Variants in CCDC9 observed in about 807,000 individuals in gnomAD.
The protein encoded by CCDC9 is coiled-coil domain-containing protein 9.
In CCDC9, 52 loss-of-function variants were observed where a neutral mutation model predicts 65.6. The ratio of observed to expected loss-of-function variants is 0.79; its 90% confidence interval spans 0.63 to 1.00. CCDC9 has a LOEUF of 1.00. Ranked by LOEUF, CCDC9 falls within the 50% of genes least tolerant of loss-of-function variation. The pLI is 0.00. For synonymous variants in CCDC9, 332 were observed against 280.3 expected, an observed-to-expected ratio of 1.18 and a Z score of -1.84; for missense variants, 834 against 757.2, an observed-to-expected ratio of 1.10 and a Z score of -1.19.
rs1360143687 is a variant in CCDC9 at position 47,271,391 on chromosome 19, G to A, written c.1309G>A (p.Glu437Lys). 7.4e-6 allele frequency: 12 copies of A among 1,611,958 alleles called. No individual in the cohort carries two copies. Among genetic ancestry groups the A allele is most frequent in the Middle Eastern group, 1.6e-4 (1 of 6,078 alleles). ...ISEDEEEEEI[E>K]VEEGDEEEPA... is the part of the protein sequence containing the mutation. The stretch of plus-strand genomic sequence containing the variant: ...TGAGGATGAGGAAGAGGAGGAGATC[G>A]AGGTGGAAGAAGGTGATGAGGAGGA... The change falls in exon 12 of 12, where the codon GAG (glutamate) becomes AAG (lysine). Residue 437 changes from glutamate to lysine, a missense_variant. By Grantham distance (56) the Glu-to-Lys change is moderately conservative. Coordinates refer to ENST00000221922, the MANE Select transcript of CCDC9 (RefSeq NM_015603.3).
At chr19:47,263,608 C>T (rs978358901) in intron 5 of CCDC9, among the ~76,000 whole-genome samples, 4 of 152,094 alleles carry the variant, frequency 2.6e-5, no homozygotes, top group African/African-American at 9.7e-5. Flanking sequence ...TCTTGTTGCC[C>T]AGGCTGGAGT....
At position 47,271,755 on chromosome 19, in the gene CCDC9, G is replaced by A. The variant is rs1343411777; in HGVS notation, c.*77G>A. Reference sequence around the variant, plus strand: ...TGTGCGCGCGCGCGCGCGCGCGCGCGCGCGCTAGAGGGGTGTGGCTGGTGG... The same window carrying A: ...TGTGCGCGCGCGCGCGCGCGCGCGCACGCGCTAGAGGGGTGTGGCTGGTGG... On this transcript the variant is annotated 3_prime_UTR_variant, in exon 12 of 12. Transcript: ENST00000221922. 153 of 1,363,296 alleles carry A rather than the reference G, an allele frequency of 1.1e-4. 1 individual carries two copies. In the South Asian group the frequency reaches 1.3e-3, roughly 12 times the overall value. 84.4% of individuals were successfully genotyped at this position (1,363,296 alleles called of 1,614,324 possible).
intron 3 of CCDC9, 22 bp downstream of exon 3, chr19:47,258,685 A>G: frequency 6.4e-7 from 1 of 1,565,816 alleles, no homozygotes; most frequent in Non-Finnish European, 8.8e-7. Context: ...CCGCCCTGGG[A>G]GACCCCATCC....
At position 47,260,734 on chromosome 19, in the gene CCDC9, G is replaced by T; in HGVS notation, c.357G>T (p.Gln119His). ...GCTGGGAGGGCAGCCCCGGGGAGCA[G>T]CCTCGAGGAGGAGGAGCTGGGGGCC... ...SRSWEGSPGEQPRGGGAGGRG... is the reference protein window; with the variant it reads ...SRSWEGSPGEHPRGGGAGGRG... Residue 119 changes from glutamine (Q) to histidine (H), a missense_variant, in exon 5 of 12, where the codon CAG becomes CAT. Coordinates refer to ENST00000221922, the MANE Select transcript of CCDC9 (RefSeq NM_015603.3). 1 of 1,600,460 alleles carries T rather than the reference G, an allele frequency of 6.2e-7. No homozygotes were observed. Among genetic ancestry groups the T allele is most frequent in the Non-Finnish European group, 8.5e-7 (1 of 1,174,546 alleles).
At chr19:47,257,072 G>C (rs143951163) in intron 1 of CCDC9, among the ~76,000 whole-genome samples, 2,686 of 149,806 alleles carry the variant, frequency 0.018, 114 homozygotes, top group African/African-American at 0.063. Flanking sequence ...GGGTGCTGGC[G>C]GGGAATGCTG....
At position 47,271,378 on chromosome 19, in the gene CCDC9, AGAG is replaced by A. The variant is rs773924441; in HGVS notation, c.1303_1305del (p.Glu435del). 1.7e-5 allele frequency: 27 copies of A among 1,613,380 alleles called. No individual in the cohort carries two copies. Among genetic ancestry groups the A allele is most frequent in the East Asian group, 6.7e-5 (3 of 44,868 alleles). ...GGGAGGACATAAGTGAGGATGAGGA[AGAG>A]GAGGAGATCGAGGTGGAAGAAGGTG... On this transcript the variant is annotated inframe_deletion, in exon 12 of 12. Transcript: ENST00000221922.
At position 47,271,598 on chromosome 19, in the gene CCDC9, G is replaced by A. The variant is rs773410253; in HGVS notation, c.1516G>A (p.Val506Met). 1 of 1,612,740 alleles carries A rather than the reference G, an allele frequency of 6.2e-7. No individual in the cohort carries two copies. ...GCCTGTGTCCGATTGGGGTGAAGAG[G>A]TGGAGCTGAATTCTCCCCGGACCAC... ...HQPVSDWGEE[V>M]ELNSPRTTHL... The change falls in exon 12 of 12, where the codon GTG (valine) becomes ATG (methionine). Residue 506 changes from valine (V) to methionine (M), a missense_variant. Coordinates refer to ENST00000221922, the MANE Select transcript of CCDC9 (RefSeq NM_015603.3).
chr19:47,264,815 G>T lies in CCDC9; in HGVS notation c.589G>T (p.Asp197Tyr). ...CAACCCAGTGCGGAACTTCCTGGAC[G>T]ACCCCCGGCGACGCAGCGGGCCCCT... ...EPNPVRNFLD[D>Y]PRRRSGPLEE... The change falls in exon 7 of 12, where the codon GAC becomes TAC. Residue 197 changes from aspartate (D) to tyrosine (Y), a missense_variant. Transcript: ENST00000221922. The T allele has an allele frequency of 6.4e-7, 1 of 1,566,514 alleles. No individual in the cohort carries two copies. Among genetic ancestry groups the T allele is most frequent in the Non-Finnish European group, 8.7e-7 (1 of 1,154,388 alleles).
downstream of CCDC9, chr19:47,275,271 A>G (rs1393997055): frequency 6.5e-7 from 1 of 1,543,776 alleles, no homozygotes; most frequent in Non-Finnish European, 8.7e-7. Flanking sequence ...CCGCCGCTAC[A>G]GCGACCCTGA....
At chr19:47,262,575 G>T (rs1279238843) in intron 5 of CCDC9, among the ~76,000 whole-genome samples, 1 of 152,154 alleles carries the variant, frequency 6.6e-6, no homozygotes, top group African/African-American at 2.4e-5. Context: ...TGTGGTAACA[G>T]CTGGGTTGCC....
chr19:47,266,544 G>T (rs2059083400), intron 7 of CCDC9, 67 bp from the exon 8 acceptor site: 6 of 1,445,880 alleles, frequency 4.1e-6, no homozygotes, highest in Non-Finnish European at 4.6e-6. Context: ...AAGTGGATGT[G>T]CCTCGGGGCT....
downstream of CCDC9, chr19:47,273,471 C>G (rs1439312526): frequency 9.9e-7 from 1 of 1,006,004 alleles, no homozygotes; most frequent in Non-Finnish European, 1.3e-6. Context: ...CCGCGCCCGC[C>G]GGACCGCGGC....
intron 5 of CCDC9, among the ~76,000 whole-genome samples, chr19:47,264,040 G>A (rs1281979933): frequency 6.6e-6 from 1 of 151,842 alleles, no homozygotes; most frequent in Non-Finnish European, 1.5e-5. Context: ...CACCATGCTT[G>A]GCTAATTTTT....
At chr19:47,266,356 A>T (rs2059082356) in intron 7 of CCDC9, 1 of 443,158 alleles carries the variant, frequency 2.3e-6, no homozygotes, top group African/African-American at 2.0e-5. Flanking sequence ...GGAGCTGAGT[A>T]AATGAAAATA....
rs201335168 is a variant in CCDC9 at position 47,260,856 on chromosome 19, G to C, written c.462+17G>C. Reference sequence around the variant, plus strand: ...AAATCCAAGGTAGGAGCTAGGCAGCGCCTGGAGCCCTGGCTGAGGTTCTCT... The same window carrying C: ...AAATCCAAGGTAGGAGCTAGGCAGCCCCTGGAGCCCTGGCTGAGGTTCTCT... On this transcript the variant is annotated intron_variant, in intron 5 of 11. Coordinates refer to ENST00000221922, the MANE Select transcript of CCDC9 (RefSeq NM_015603.3). The C allele has an allele frequency of 1.2e-6, 2 of 1,600,130 alleles. No individual in the cohort carries two copies. The highest frequency in any genetic ancestry group is 1.7e-6 in the Non-Finnish European group (2 of 1,175,262).
At chr19:47,266,872 T>C (rs2059085902) in intron 8 of CCDC9, 80 bp downstream of exon 8, 1 of 1,499,354 alleles carries the variant, frequency 6.7e-7, no homozygotes, top group African/African-American at 1.4e-5. Flanking sequence ...CTCTCTCTGG[T>C]TTTTCCTGCT....
chr19:47,270,458 G>A lies in CCDC9; in HGVS notation c.949+5G>A, dbSNP rs2059109017. ...ATGAACCATCCCACCGCTATGGTGA[G>A]TGGGTGCCCTTGGATGAGCTGAGGC... On this transcript the variant is annotated splice_donor_5th_base_variant and intron_variant, in intron 9 of 11. Coordinates refer to ENST00000221922, the MANE Select transcript of CCDC9 (RefSeq NM_015603.3). The A allele has an allele frequency of 6.2e-7, 1 of 1,614,092 alleles. No homozygotes were observed. Among genetic ancestry groups the A allele is most frequent in the Non-Finnish European group, 8.5e-7 (1 of 1,180,028 alleles).
rs1358772352 is a variant in CCDC9 at position 47,270,425 on chromosome 19, C to T, written c.921C>T (p.Val307=). The T allele has an allele frequency of 3.7e-6, 6 of 1,614,084 alleles. No individual in the cohort carries two copies. The highest frequency in any genetic ancestry group is 5.1e-6 in the Non-Finnish European group (6 of 1,180,032). The part of the protein sequence containing the change: ...KTDGMFKDGP[V]PAHEPSHRYD... Reference sequence around the variant, plus strand: ...CCCCCAGGTTCAAGGATGGCCCAGTCCCTGCCCATGAACCATCCCACCGCT... The same window carrying T: ...CCCCCAGGTTCAAGGATGGCCCAGTTCCTGCCCATGAACCATCCCACCGCT... The change falls in exon 9 of 12, where the codon GTC becomes GTT. Residue 307 remains valine, a synonymous_variant. Coordinates refer to ENST00000221922, the MANE Select transcript of CCDC9 (RefSeq NM_015603.3).
intron 7 of CCDC9, 24 bp downstream of exon 7, chr19:47,264,970 C>T (rs2059071631): frequency 5.6e-6 from 8 of 1,430,648 alleles, no homozygotes; most frequent in Non-Finnish European, 7.3e-6. Context: ...GTGAGGACAC[C>T]TCGGGGCTCT....
Sources: allele counts gnomAD v4.1 joint callset (sites outside exome capture counted in the v4.1 genomes callset), GRCh38; gene constraint gnomAD v4.1.1; transcripts MANE v1.5; gene names NCBI Gene and HGNC (gene_info 2026-07-23, HGNC 2026-07-21).